Variants in CSMD3 observed in about 807,000 individuals in gnomAD.
CSMD3 encodes CUB and sushi domain-containing protein 3.
CSMD3 carries 177 observed loss-of-function variants against 435.2 expected under a neutral mutation model. The ratio of observed to expected loss-of-function variants is 0.41; its 90% CI spans 0.36 to 0.46. CSMD3 has a LOEUF of 0.46. Among genes scored for constraint, CSMD3 ranks in the 20% least tolerant of loss-of-function variants. The pLI is 0.34. For synonymous variants in CSMD3, 1,656 were observed against 1,520.5 expected, an observed-to-expected ratio of 1.09 and a Z score of -2.07; for missense variants, 4,265 against 4,504.6, an observed-to-expected ratio of 0.95 and a Z score of 1.52.
intron 61 of CSMD3, among the ~76,000 whole-genome samples, chr8:112,257,934 T>C (rs1325671895): frequency 1.3e-5 from 2 of 152,054 alleles, no homozygotes; most frequent in Non-Finnish European, 2.9e-5. Context: ...AAAACAGATA[T>C]ATAGACCAAT....
rs2131890245 is a variant in CSMD3, at chr8:113,173,770, T to A, written c.661A>T (p.Asn221Tyr). ...DGHPQLTCIA[N>Y]SVNTASWDFP... ...TCCCACGAAGCTGTATTAACTGAATTGGCTATGCAGGTGAGCTGAGGGTGG... is the reference window on the plus strand; with the variant it reads ...TCCCACGAAGCTGTATTAACTGAATAGGCTATGCAGGTGAGCTGAGGGTGG... The change falls in exon 4 of 71, where the codon AAT (asparagine) becomes TAT (tyrosine). Residue 221 changes from asparagine to tyrosine, a missense_variant. By Grantham distance (143) the Asn-to-Tyr change is moderately radical. This residue lies in a region of CSMD3 where 731 missense variants were observed against 755.4 expected (regional missense o/e 0.97). Coordinates refer to ENST00000297405, the MANE Select transcript of CSMD3 (RefSeq NM_198123.2). 4.3e-6 allele frequency: 7 copies of A among 1,613,832 alleles called. No individual in the cohort carries two copies. The highest frequency in any genetic ancestry group is 5.9e-6 in the Non-Finnish European group (7 of 1,179,792).
At chr8:112,468,902 A>T (rs1164532356) in intron 32 of CSMD3, among the ~76,000 whole-genome samples, 3 of 152,090 alleles carry the variant, frequency 2.0e-5, no homozygotes, top group Non-Finnish European at 1.5e-5. Flanking sequence ...TGCAGGATGA[A>T]TATTTCCAAA....
At chr8:113,324,064 G>A (rs1434794983) in intron 1 of CSMD3, among the ~76,000 whole-genome samples, 1 of 152,160 alleles carries the variant, frequency 6.6e-6, no homozygotes, top group Admixed American at 6.6e-5. Context: ...TTTCTAAGCA[G>A]CAAAGCATTC....
At chr8:113,302,832 T>A (rs1201058752) in intron 2 of CSMD3, among the ~76,000 whole-genome samples, 1 of 143,960 alleles carries the variant, frequency 6.9e-6, no homozygotes, top group Non-Finnish European at 1.5e-5. Flanking sequence ...CTGGAAGCAT[T>A]CCCTTTGAAA....
intron 35 of CSMD3, among the ~76,000 whole-genome samples, chr8:112,395,334 G>C (rs1830771055): frequency 6.6e-6 from 1 of 152,054 alleles, no homozygotes; most frequent in Non-Finnish European, 1.5e-5. Context: ...ATGAGATAAT[G>C]CTTAATAGTG....
In CSMD3 at chr8:112,408,326, A is replaced by G. The variant is rs753729534; in HGVS notation, c.5597T>C (p.Val1866Ala). Reference sequence around the variant, plus strand: ...ACTACAGGGTCACTTACCTTGGTAAACAAAGTGAAATCCCTTAGCTGTTAT... The same window carrying G: ...ACTACAGGGTCACTTACCTTGGTAAGCAAAGTGAAATCCCTTAGCTGTTAT... ...GPITAKGFHFVYQAVPRTSST... is the reference protein window; with the variant it reads ...GPITAKGFHFAYQAVPRTSST... The change falls in exon 34 of 71, where the codon GTT (valine) becomes GCT (alanine). Residue 1866 changes from valine (V) to alanine (A), a missense_variant. Physicochemically the swap from Val to Ala is moderately conservative, Grantham distance 64 (BLOSUM62 0). This residue lies in a region of CSMD3 where 3,255 missense variants were observed against 3,380.2 expected (regional missense o/e 0.96). Transcript: ENST00000297405. 2 of 1,597,768 alleles carry G rather than the reference A, an allele frequency of 1.3e-6. No individual in the cohort carries two copies. The highest frequency in any genetic ancestry group is 1.7e-6 in the Non-Finnish European group (2 of 1,165,484).
At chr8:113,276,435 A>G (rs986094195) in intron 3 of CSMD3, among the ~76,000 whole-genome samples, 11 of 152,036 alleles carry the variant, frequency 7.2e-5, no homozygotes, top group Non-Finnish European at 1.5e-4. Flanking sequence ...TGCTGGCTCT[A>G]AGGTATGAGG....
chr8:113,377,031 G>T, intron 1 of CSMD3: 1 of 1,305,400 alleles, frequency 7.7e-7, no homozygotes, highest in East Asian at 3.7e-5. Context: ...GGTGGGGTGG[G>T]GGTGGGGCGG....
chr8:112,337,028 G>A (rs1031667389), intron 43 of CSMD3, among the ~76,000 whole-genome samples, 199 bp from the exon 44 acceptor site: 1 of 151,966 alleles, frequency 6.6e-6, no homozygotes, highest in South Asian at 2.1e-4. Context: ...TCCACATGAG[G>A]TATACTAAAT....
rs1015312015 is a variant in CSMD3 at position 112,223,369 on chromosome 8, A to C, written c.*1402T>G. 2 of 294,084 alleles carry C rather than the reference A, an allele frequency of 6.8e-6. No individual in the cohort carries two copies. The highest frequency in any genetic ancestry group is 1.3e-5 in the Non-Finnish European group (2 of 159,708). The allele number at this position is 294,084 out of a possible 1,614,324, so 18.2% of individuals were successfully genotyped here. ...ATGATACAAAAAGTCAAGACTGTTC[A>C]CAGAGTTATCCATATTTGAAAGGGA... On this transcript the variant is annotated 3_prime_UTR_variant, in exon 71 of 71. Transcript: ENST00000297405.
At chr8:112,332,083 T>G (rs190072797) in intron 45 of CSMD3, among the ~76,000 whole-genome samples, 1 of 152,226 alleles carries the variant, frequency 6.6e-6, no homozygotes, top group East Asian at 1.9e-4. Context: ...AGAGTCTGAA[T>G]GCACACTTCC....
At chr8:113,404,060 C>T (rs1010194853) in intron 1 of CSMD3, among the ~76,000 whole-genome samples, 1 of 151,262 alleles carries the variant, frequency 6.6e-6, no homozygotes, top group Non-Finnish European at 1.5e-5. Flanking sequence ...ATTAAAAATG[C>T]TTTCTGTAGA....
chr8:113,000,853 T>C (rs1447377378), intron 6 of CSMD3, among the ~76,000 whole-genome samples: 1 of 152,048 alleles, frequency 6.6e-6, no homozygotes, highest in Non-Finnish European at 1.5e-5. Context: ...ATTTTCCTTC[T>C]TAACACACCT....
chr8:112,488,996 A>G (rs1820415703), intron 31 of CSMD3, among the ~76,000 whole-genome samples: 1 of 152,170 alleles, frequency 6.6e-6, no homozygotes, highest in Non-Finnish European at 1.5e-5. Flanking sequence ...TTATTTTCTT[A>G]GTTATCATAT....
intron 10 of CSMD3, among the ~76,000 whole-genome samples, chr8:112,892,633 T>C (rs2081832608): frequency 6.6e-6 from 1 of 151,546 alleles, no homozygotes. Context: ...GTACTTACTG[T>C]TCTCACTGCT....
chr8:113,390,971 G>A (rs2133152486), intron 1 of CSMD3, among the ~76,000 whole-genome samples: 1 of 152,042 alleles, frequency 6.6e-6, no homozygotes, highest in Admixed American at 6.6e-5. Flanking sequence ...AGAGGCAGAA[G>A]AAAGATGCTT....
chr8:112,685,314 T>C, intron 15 of CSMD3, 92 bp downstream of exon 15: 1 of 1,030,736 alleles, frequency 9.7e-7, no homozygotes, highest in Non-Finnish European at 1.4e-6. Flanking sequence ...TTTTCTTAAC[T>C]AGGAAACAAG....
chr8:112,700,799 G>T (rs1294056298), intron 13 of CSMD3, among the ~76,000 whole-genome samples: 1 of 152,114 alleles, frequency 6.6e-6, no homozygotes, highest in Admixed American at 6.6e-5. Context: ...TCCTACAGGG[G>T]CTGGATAGCA....
chr8:113,427,293 C>T (rs1381695998), intron 1 of CSMD3, among the ~76,000 whole-genome samples: 1 of 151,002 alleles, frequency 6.6e-6, no homozygotes, highest in Non-Finnish European at 1.5e-5. Context: ...TCTATATTCC[C>T]CCCAGTTAAT....
Sources: gnomAD v4.1 joint callset for allele counts (sites outside exome capture counted in the v4.1 genomes callset) on GRCh38, gnomAD v4.1.1 for gene constraint, gnomAD v4.1.1 regional missense constraint, MANE v1.5 for transcripts, NCBI Gene and HGNC (gene_info 2026-07-23, HGNC 2026-07-21) for gene names.